RABGAP1: variants seen among roughly 807,000 people sequenced by gnomAD.
The protein encoded by RABGAP1 is RAB GTPase activating protein 1.
Under a neutral mutation model 137.6 loss-of-function variants are expected in RABGAP1, and 23 were observed. The observed-to-expected ratio is 0.17, with a 90% CI of 0.12 to 0.24. The LOEUF (loss-of-function observed/expected upper bound fraction) is 0.24. RABGAP1 is among the 10% of genes least tolerant of loss of function. RABGAP1 has a pLI of 1.00. For synonymous variants in RABGAP1, 451 were observed against 450.7 expected (o/e 1.00, Z -0.01); for missense variants, 906 against 1,275.8 (o/e 0.71, Z 4.42).
At chr9:123,078,371 G>T (rs567007824) in intron 19 of RABGAP1, among the ~76,000 whole-genome samples, 8 of 152,092 alleles carry the variant, frequency 5.3e-5, no homozygotes, top group African/African-American at 1.9e-4. Flanking sequence ...CATGTGCTTG[G>T]TACTATGGTT....
At chr9:122,968,185 A>G (rs1835275026) in intron 2 of RABGAP1, among the ~76,000 whole-genome samples, 1 of 144,346 alleles carries the variant, frequency 6.9e-6, no homozygotes, top group African/African-American at 2.6e-5. Context: ...TACCTTAAGC[A>G]TTTATTCTTT....
At chr9:122,940,435 C>T (rs1333977340), upstream of RABGAP1, 1 of 152,124 alleles carries the variant, frequency 6.6e-6, no homozygotes, top group Non-Finnish European at 1.5e-5. Flanking sequence ...GTTTTGACTT[C>T]TAGACTGGAT....
At chr9:123,064,296 C>T (rs901962341) in intron 13 of RABGAP1, among the ~76,000 whole-genome samples, 1 of 152,170 alleles carries the variant, frequency 6.6e-6, no homozygotes, top group Non-Finnish European at 1.5e-5. Context: ...GTAACATATG[C>T]CACTAAAGCT....
chr9:123,101,303 T>C (rs2035338075), intron 24 of RABGAP1, among the ~76,000 whole-genome samples: 1 of 152,252 alleles, frequency 6.6e-6, no homozygotes, highest in African/African-American at 2.4e-5. Flanking sequence ...AATTTTTATC[T>C]AGTTACAGCT....
intron 1 of RABGAP1, among the ~76,000 whole-genome samples, chr9:122,947,162 C>G (rs2131589125): frequency 6.6e-6 from 1 of 152,172 alleles, no homozygotes; most frequent in Admixed American, 6.5e-5. Flanking sequence ...ATTATTCAGC[C>G]TTAGGGAAAT....
intron 10 of RABGAP1, among the ~76,000 whole-genome samples, chr9:123,000,618 T>A (rs1199567726): frequency 1.3e-5 from 2 of 152,198 alleles, no homozygotes; most frequent in African/African-American, 2.4e-5. Context: ...ATCTAATCAC[T>A]TCTCACCAGC....
intron 13 of RABGAP1, among the ~76,000 whole-genome samples, chr9:123,041,776 T>C (rs921790068): frequency 6.6e-6 from 1 of 152,224 alleles, no homozygotes; most frequent in African/African-American, 2.4e-5. Context: ...GATTTGTCTA[T>C]TGACCACAGT....
Position 123,103,925 on chromosome 9 carries a change from G to T in RABGAP1, c.*712G>T, listed in dbSNP as rs1306672563. On this transcript the variant is annotated 3_prime_UTR_variant, in exon 26 of 26. Coordinates refer to ENST00000373647, the MANE Select transcript of RABGAP1 (RefSeq NM_012197.4). ...GGTGGGTGACTTGACTGTGAGACTG[G>T]ATTATAACATGGACAAATCTTATTT... 2 of 149,992 alleles carry T rather than the reference G, an allele frequency of 1.3e-5. No individual in the cohort carries two copies. Among genetic ancestry groups the T allele is most frequent in the Admixed American group, 1.3e-4 (2 of 14,902 alleles). The allele number at this position is 149,992 out of a possible 1,614,324, so 9.3% of individuals were successfully genotyped here. A position where few individuals can be genotyped will look rare whatever the true frequency, so the allele number is the denominator to read the frequency against.
At chr9:122,983,323 C>A (rs150054890) in intron 2 of RABGAP1, among the ~76,000 whole-genome samples, 1 of 152,254 alleles carries the variant, frequency 6.6e-6, no homozygotes, top group Non-Finnish European at 1.5e-5. Flanking sequence ...AAATGAAATT[C>A]ACAGAAACAG....
intron 10 of RABGAP1, among the ~76,000 whole-genome samples, chr9:123,005,756 G>A (rs2030196196): frequency 6.6e-6 from 1 of 152,112 alleles, no homozygotes; most frequent in African/African-American, 2.4e-5. Flanking sequence ...TTTTATGAAA[G>A]TGCATCTTAG....
intron 13 of RABGAP1, among the ~76,000 whole-genome samples, chr9:123,032,267 G>A (rs1224952987): frequency 2.6e-5 from 4 of 152,178 alleles, no homozygotes; most frequent in Admixed American, 2.0e-4. Context: ...GTGAAGTAAG[G>A]AGTGTTGTTC....
Position 122,990,327 on chromosome 9 carries a change from A to G in RABGAP1, c.923+114A>G. The G allele has an allele frequency of 4.3e-6, 4 of 930,712 alleles. No homozygotes were observed. The South Asian group carries it at 1.0e-4, about 24-fold the overall frequency. The allele number at this position is 930,712 out of a possible 1,614,324, so 57.7% of individuals were successfully genotyped here. A position where few individuals can be genotyped will look rare whatever the true frequency, so the allele number is the denominator to read the frequency against. ...TGGCTTTTAAAGGGAGGGCTTTTAAAAAAAATCTGGATGATAAAGGCATAT... is the reference window on the plus strand; with the variant it reads ...TGGCTTTTAAAGGGAGGGCTTTTAAGAAAAATCTGGATGATAAAGGCATAT... On this transcript the variant is annotated intron_variant, in intron 6 of 25. Transcript: ENST00000373647.
At position 123,070,713 on chromosome 9, in the gene RABGAP1, C is replaced by G. The variant is rs1032157987; in HGVS notation, c.1983+289C>G. ...GGTTGAACTCTTGGGGACGTTTTAT[C>G]TTCTCTAAAGTAGCCGCTGTCATTA... On this transcript the variant is annotated intron_variant, in intron 15 of 25. Coordinates refer to ENST00000373647, the MANE Select transcript of RABGAP1 (RefSeq NM_012197.4). The surrounding 1 kb of genome is among the most constrained non-coding windows in gnomAD (Gnocchi z 4.4). Among the ~76,000 whole-genome samples, 4 of 152,128 alleles carry G rather than the reference C, an allele frequency of 2.6e-5. No individual in the cohort carries two copies. The East Asian group carries it at 7.7e-4, about 29-fold the overall frequency.
At chr9:122,973,798 T>G (rs1835605665) in intron 2 of RABGAP1, among the ~76,000 whole-genome samples, 1 of 151,464 alleles carries the variant, frequency 6.6e-6, no homozygotes, top group South Asian at 2.1e-4. Flanking sequence ...TCACCTGAGG[T>G]CAGGAGTTTG....
intron 1 of RABGAP1, among the ~76,000 whole-genome samples, chr9:122,956,477 C>T (rs904774472): frequency 2.0e-5 from 3 of 152,008 alleles, no homozygotes; most frequent in African/African-American, 7.3e-5. Context: ...GGTGAAACCC[C>T]GTCTCTACGA....
chr9:123,018,934 C>T (rs1203629608), intron 12 of RABGAP1, among the ~76,000 whole-genome samples: 1 of 152,142 alleles, frequency 6.6e-6, no homozygotes, highest in Admixed American at 6.5e-5. Context: ...ACCAGCTGCT[C>T]TATAACAGAG....
chr9:122,993,294 G>T (rs1293017210), intron 6 of RABGAP1, among the ~76,000 whole-genome samples: 1 of 151,970 alleles, frequency 6.6e-6, no homozygotes, highest in East Asian at 1.9e-4. Flanking sequence ...TTTTGAGACG[G>T]AGTTTTTCCT....
intron 19 of RABGAP1, among the ~76,000 whole-genome samples, chr9:123,080,406 A>T (rs1259496319): frequency 2.6e-5 from 4 of 152,234 alleles, no homozygotes; most frequent in African/African-American, 9.7e-5. Flanking sequence ...AAGAGTACAG[A>T]TTCACCAGAA....
intron 1 of RABGAP1, 144 bp from the exon 2 acceptor site, chr9:122,956,867 C>T: frequency 2.9e-6 from 1 of 346,180 alleles, no homozygotes; most frequent in Non-Finnish European, 5.0e-6. Flanking sequence ...AAAAAAAACC[C>T]TAAGCTATAA....
Sources: gnomAD v4.1 joint callset for allele counts (sites outside exome capture counted in the v4.1 genomes callset) on GRCh38, gnomAD v4.1.1 for gene constraint, Gnocchi (gnomAD v3.1) non-coding constraint, MANE v1.5 for transcripts, NCBI Gene and HGNC (gene_info 2026-07-23, HGNC 2026-07-21) for gene names.